RBMS3: variants seen among roughly 807,000 people sequenced by gnomAD.
RBMS3 encodes RNA binding motif single stranded interacting protein 3, also known as RNA-binding motif, single-stranded-interacting protein 3.
RBMS3 carries 27 observed loss-of-function variants against 66.8 expected under a neutral mutation model. The observed-to-expected ratio is 0.40, with a 90% CI of 0.30 to 0.56. The LOEUF (loss-of-function observed/expected upper bound fraction) is 0.56, where lower values mean the gene tolerates loss of function less well. Among genes scored for constraint, RBMS3 ranks in the 20% least tolerant of loss-of-function variants. RBMS3 has a pLI of 0.40. For synonymous variants in RBMS3, 188 were observed against 183.0 expected (o/e 1.03, Z -0.22); for missense variants, 513 against 549.5 (o/e 0.93, Z 0.66).
intron 12 of RBMS3, among the ~76,000 whole-genome samples, chr3:29,970,272 T>C (rs1256436902): frequency 1.3e-5 from 2 of 152,116 alleles, no homozygotes; most frequent in Non-Finnish European, 2.9e-5. Flanking sequence ...GGATATAGCA[T>C]TCAAGGACCA....
intron 3 of RBMS3, among the ~76,000 whole-genome samples, chr3:29,547,634 A>T (rs1361093413): frequency 6.6e-6 from 1 of 152,040 alleles, no homozygotes; most frequent in Non-Finnish European, 1.5e-5. Context: ...CCATAATTAC[A>T]TGCACAAATA....
chr3:29,848,142 AAG>A (rs2058836086), intron 6 of RBMS3, among the ~76,000 whole-genome samples: 1 of 152,134 alleles, frequency 6.6e-6, no homozygotes. Context: ...TGGACATTTA[AAG>A]AGAGAGGGTA....
chr3:29,991,076 C>T lies in RBMS3; in HGVS notation c.1180-6C>T, dbSNP rs772956007. 3.7e-6 allele frequency: 6 copies of T among 1,613,988 alleles called. 1 individual carries two copies. The highest frequency in any genetic ancestry group is 2.2e-5 in the South Asian group (2 of 91,060). On this transcript the variant is annotated splice_region_variant and splice_polypyrimidine_tract_variant and intron_variant, in intron 13 of 14. Coordinates refer to ENST00000383767, the MANE Select transcript of RBMS3 (RefSeq NM_001003793.3). ...AAGGCTTTTATGTTCTTATTTGCCT[C>T]CTTAGGGTGTTGTTGCTGATACCTC... is the stretch of plus-strand genomic sequence containing the variant.
intron 10 of RBMS3, among the ~76,000 whole-genome samples, chr3:29,904,222 C>T (rs1298636239): frequency 6.6e-6 from 1 of 151,890 alleles, no homozygotes; most frequent in African/African-American, 2.4e-5. Context: ...GCTTATAATT[C>T]AAAAGAAGTG....
chr3:29,286,113 A>G (rs942577496), intron 1 of RBMS3, among the ~76,000 whole-genome samples: 8 of 152,190 alleles, frequency 5.3e-5, no homozygotes, highest in African/African-American at 1.9e-4. Flanking sequence ...TTCCAGCGAT[A>G]GAATTTTTAG....
At chr3:29,680,423 T>C (rs1266172209) in intron 4 of RBMS3, among the ~76,000 whole-genome samples, 2 of 152,194 alleles carry the variant, frequency 1.3e-5, no homozygotes, top group African/African-American at 4.8e-5. Context: ...TAGAGTTTTG[T>C]TGGCATTTCC....
rs139915480 is a variant in RBMS3, at chr3:29,895,177, T to G, written c.792-2202T>G. 5.5e-4 allele frequency among the ~76,000 whole-genome samples: 84 copies of G among 151,744 alleles called. 1 individual carries two copies. Among genetic ancestry groups the G allele is most frequent in the African/African-American group, 2.0e-3 (82 of 41,502 alleles). On this transcript the variant is annotated intron_variant, in intron 8 of 14. Transcript: ENST00000383767. ...AACTCAAAGGGGTATTTTAGAGTGT[T>G]ATTCGTCTTTGTTAGACAAAGTAAA...
At chr3:29,958,092 T>G (rs1696166506) in intron 12 of RBMS3, among the ~76,000 whole-genome samples, 1 of 152,192 alleles carries the variant, frequency 6.6e-6, no homozygotes, top group Non-Finnish European at 1.5e-5. Context: ...TACATAGGGC[T>G]GGTTTTCCTT....
intron 8 of RBMS3, among the ~76,000 whole-genome samples, chr3:29,894,050 T>C (rs2060064926): frequency 6.6e-6 from 1 of 151,562 alleles, no homozygotes; most frequent in African/African-American, 2.4e-5. Flanking sequence ...TACATTGTAT[T>C]CGTCAGTTCA....
At chr3:29,611,330 C>A (rs1295975122) in intron 4 of RBMS3, among the ~76,000 whole-genome samples, 1 of 151,906 alleles carries the variant, frequency 6.6e-6, no homozygotes, top group South Asian at 2.1e-4. Context: ...TGGTAAAACA[C>A]GTTGGTGCCT....
intron 14 of RBMS3, among the ~76,000 whole-genome samples, chr3:30,001,664 A>C (rs1176794988): frequency 6.6e-6 from 1 of 152,004 alleles, no homozygotes; most frequent in Non-Finnish European, 1.5e-5. Context: ...CATTCTATGT[A>C]TTATAATATA....
At chr3:29,354,211 C>T (rs13065255) in intron 1 of RBMS3, among the ~76,000 whole-genome samples, 27,965 of 151,854 alleles carry the variant, frequency 0.18, 2,731 homozygotes, top group Admixed American at 0.24. Context: ...TTAGGAATAC[C>T]CACATATTGG....
intron 10 of RBMS3, among the ~76,000 whole-genome samples, chr3:29,920,359 A>T (rs866186208): frequency 2.6e-5 from 4 of 152,198 alleles, no homozygotes; most frequent in African/African-American, 9.6e-5. Flanking sequence ...GGAAAGTATG[A>T]TTACTGTTCT....
chr3:29,834,479 T>G (rs1242164734), intron 6 of RBMS3, among the ~76,000 whole-genome samples: 1 of 152,016 alleles, frequency 6.6e-6, no homozygotes, highest in Non-Finnish European at 1.5e-5. Context: ...AAAATTTGTG[T>G]ATGCAATTGT....
chr3:29,407,228 C>A (rs12497547), intron 1 of RBMS3, among the ~76,000 whole-genome samples: 26,188 of 152,154 alleles, frequency 0.17, 2,771 homozygotes, highest in Non-Finnish European at 0.24. Flanking sequence ...CTGCTCAGTT[C>A]ACTGGATTAT....
chr3:29,395,686 G>A (rs911638610), intron 1 of RBMS3, among the ~76,000 whole-genome samples: 1 of 151,936 alleles, frequency 6.6e-6, no homozygotes, highest in African/African-American at 2.4e-5. Context: ...AAATATTGTT[G>A]GCATTCTTGT....
At chr3:29,819,506 T>C (rs2058016697) in intron 6 of RBMS3, among the ~76,000 whole-genome samples, 3 of 152,256 alleles carry the variant, frequency 2.0e-5, no homozygotes, top group African/African-American at 7.2e-5. Context: ...CATCAAAATG[T>C]ATTTTAGCAA....
intron 1 of RBMS3, among the ~76,000 whole-genome samples, chr3:29,426,926 CA>C (rs1236446648): frequency 6.6e-6 from 1 of 152,210 alleles, no homozygotes; most frequent in African/African-American, 2.4e-5. Flanking sequence ...AGCTTCACAA[CA>C]CTCCAATGAA....
At chr3:29,753,503 G>A (rs189791075) in intron 5 of RBMS3, among the ~76,000 whole-genome samples, 230 of 152,136 alleles carry the variant, frequency 1.5e-3, no homozygotes, top group African/African-American at 5.2e-3. Flanking sequence ...TCTAAACACC[G>A]GAAAAAATGA....
Sources: allele counts gnomAD v4.1 joint callset (sites outside exome capture counted in the v4.1 genomes callset), GRCh38; gene constraint gnomAD v4.1.1; transcripts MANE v1.5; gene names NCBI Gene and HGNC (gene_info 2026-07-23, HGNC 2026-07-21).